ADGRF1: variants seen among roughly 807,000 people sequenced by gnomAD.
ADGRF1 encodes adhesion G protein-coupled receptor F1, also known as G protein-coupled receptor 110.
Under a neutral mutation model 87.2 loss-of-function variants are expected in ADGRF1, and 85 were observed. The observed-to-expected ratio is 0.97, with a 90% CI of 0.82 to 1.17. ADGRF1 has a LOEUF of 1.17. ADGRF1 is among the 50% of genes most tolerant of loss of function. The pLI is 0.00. For missense variants in ADGRF1, 1,169 were observed against 1,077.2 expected (o/e 1.09, Z -1.19); for synonymous variants, 430 against 408.8 (o/e 1.05, Z -0.63).
chr6:47,008,922 T>C (rs1475540367), intron 11 of ADGRF1, 23 bp downstream of exon 11: 1 of 1,550,070 alleles, frequency 6.5e-7, no homozygotes, highest in Admixed American at 1.9e-5. Flanking sequence ...GACAATACAA[T>C]AGGTTATTGT....
chr6:47,014,514 C>A, intron 9 of ADGRF1, 167 bp downstream of exon 9: 2 of 1,403,442 alleles, frequency 1.4e-6, no homozygotes, highest in South Asian at 3.2e-5. Context: ...CGCTACCACT[C>A]ATGCACGACT....
chr6:47,022,829 G>A (rs1260804303), intron 5 of ADGRF1, among the ~76,000 whole-genome samples: 4 of 130,570 alleles, frequency 3.1e-5, no homozygotes, highest in Non-Finnish European at 6.3e-5. Flanking sequence ...TTTTTAGTCA[G>A]GGTCTCACTT....
chr6:47,035,857 C>A (rs1780573435), intron 1 of ADGRF1, among the ~76,000 whole-genome samples: 1 of 152,150 alleles, frequency 6.6e-6, no homozygotes, highest in Admixed American at 6.5e-5. Context: ...GCACTGGGTA[C>A]ACATGAACGT....
rs867541880 is a variant in ADGRF1 at position 47,020,622 on chromosome 6, T to A, written c.611+109A>T. 20 of 1,563,588 alleles carry A rather than the reference T, an allele frequency of 1.3e-5. 1 individual carries two copies. In the South Asian group the frequency reaches 2.2e-4, roughly 18 times the overall value. On this transcript the variant is annotated intron_variant, in intron 7 of 14. Coordinates refer to ENST00000371253, the MANE Select transcript of ADGRF1 (RefSeq NM_153840.4). ...CTTAGTAAAAATCCTACTATAAAGATGACTTCTGTCCTGTTTTCTGTCAGG... is the reference window on the plus strand; with the variant it reads ...CTTAGTAAAAATCCTACTATAAAGAAGACTTCTGTCCTGTTTTCTGTCAGG...
At chr6:47,013,742 G>A in intron 9 of ADGRF1, 1 of 714,164 alleles carries the variant, frequency 1.4e-6, no homozygotes, top group Non-Finnish European at 1.7e-6. Context: ...GGCTTGGTGG[G>A]AGATGATTGG....
chr6:47,028,035 C>T (rs1298778614), intron 2 of ADGRF1, among the ~76,000 whole-genome samples: 2 of 152,122 alleles, frequency 1.3e-5, no homozygotes, highest in Non-Finnish European at 2.9e-5. Context: ...CAGAGGGTCT[C>T]TGGGGAGGCA....
At chr6:47,007,111 T>C (rs1779555265) in intron 12 of ADGRF1, 142 bp downstream of exon 12, 1 of 491,682 alleles carries the variant, frequency 2.0e-6, no homozygotes, top group South Asian at 4.7e-5. Flanking sequence ...TGACTGAGCC[T>C]GACTTCTCTA....
At chr6:47,039,505 A>G (rs1762288) in intron 1 of ADGRF1, among the ~76,000 whole-genome samples, 1 of 152,062 alleles carries the variant, frequency 6.6e-6, no homozygotes, top group African/African-American at 2.4e-5. Flanking sequence ...TGGGGAGGGG[A>G]TGTGATAAGA....
At chr6:47,016,880 G>T in intron 7 of ADGRF1, 112 bp from the exon 8 acceptor site, 1 of 1,347,894 alleles carries the variant, frequency 7.4e-7, no homozygotes. Context: ...AGTAAACAGA[G>T]CTTACATTCT....
chr6:47,013,159 C>T, intron 9 of ADGRF1: 1 of 985,402 alleles, frequency 1.0e-6, no homozygotes, highest in Non-Finnish European at 1.2e-6. Context: ...GGAAGGCAGT[C>T]CCCTTCCACT....
chr6:47,028,253 T>C (rs541879008), intron 2 of ADGRF1, among the ~76,000 whole-genome samples: 191 of 152,128 alleles, frequency 1.3e-3, no homozygotes, highest in African/African-American at 4.2e-3. Flanking sequence ...CAAGAGACAA[T>C]GAAGGTGTGG....
rs765512659 is a variant in ADGRF1 at position 47,010,217 on chromosome 6, C to G, written c.1218G>C (p.Glu406Asp). 1.9e-6 allele frequency: 3 copies of G among 1,613,926 alleles called. No homozygotes were observed. Among genetic ancestry groups the G allele is most frequent in the African/African-American group, 1.3e-5 (1 of 74,924 alleles). Residue 406 changes from glutamate (E) to aspartate (D), a missense_variant, in exon 11 of 15, where the codon GAG (glutamate) becomes GAC (aspartate). Transcript: ENST00000371253. The stretch of plus-strand genomic sequence containing the variant: ...CCAGAGTGCTGATGTTTTCTAATGT[C>G]TCTAGTAACCGTGAGCTGGCATACT... ...EEKYASSRLL[E>D]TLENISTLVP...
intron 12 of ADGRF1, among the ~76,000 whole-genome samples, chr6:47,006,354 C>T (rs1032520601): frequency 1.3e-5 from 2 of 151,970 alleles, no homozygotes; most frequent in Admixed American, 1.3e-4. Context: ...TAGCTTATGG[C>T]CTTCACCTCT....
Position 46,997,722 on chromosome 6 carries a change from AT to A in ADGRF1, c.*2499del, listed in dbSNP as rs1465194061. ...TTACAATGCTATTCACTTTTTCATT[AT>A]TTTATTGTTGTTTTAGTAGCATTTT... is the stretch of plus-strand genomic sequence containing the variant. On this transcript the variant is annotated 3_prime_UTR_variant, in exon 15 of 15. Coordinates refer to ENST00000371253, the MANE Select transcript of ADGRF1 (RefSeq NM_153840.4). The A allele has an allele frequency of 1.3e-5, 2 of 152,216 alleles. No individual in the cohort carries two copies. The highest frequency in any genetic ancestry group is 3.8e-4 in the East Asian group (2 of 5,202). 9.4% of individuals were successfully genotyped at this position (152,216 alleles called of 1,614,324 possible).
intron 7 of ADGRF1, chr6:47,018,258 A>G: frequency 1.7e-6 from 1 of 596,068 alleles, no homozygotes; most frequent in South Asian, 2.0e-5. Context: ...AGCACATGAG[A>G]TCAATACATT....
intron 14 of ADGRF1, 116 bp from the exon 15 acceptor site, chr6:47,000,411 T>G: frequency 1.4e-6 from 1 of 717,670 alleles, no homozygotes; most frequent in Non-Finnish European, 2.3e-6. Flanking sequence ...TTTAAAAGAT[T>G]CTAGGTAAAG....
At chr6:47,022,412 G>A (rs980597) in intron 5 of ADGRF1, among the ~76,000 whole-genome samples, 4 of 152,164 alleles carry the variant, frequency 2.6e-5, no homozygotes, top group African/African-American at 4.8e-5. Flanking sequence ...AACGATGACC[G>A]TAACAGCAAC....
rs143491292 is a variant in ADGRF1, at chr6:47,006,833, T to C, written c.2532+420A>G. Among the ~76,000 whole-genome samples, 59 of 152,302 alleles carry C rather than the reference T, an allele frequency of 3.9e-4. 1 individual carries two copies. The East Asian group carries it at 9.8e-3, about 25-fold the overall frequency. On this transcript the variant is annotated intron_variant, in intron 12 of 14. Coordinates refer to ENST00000371253, the MANE Select transcript of ADGRF1 (RefSeq NM_153840.4). ...TAGAATAATAGTCTGTGAGAGGCTA[T>C]TAACACTTACTGTTTAAAACTCTAC...
intron 1 of ADGRF1, among the ~76,000 whole-genome samples, chr6:47,031,273 TC>T (rs1780412846): frequency 7.2e-6 from 1 of 138,378 alleles, no homozygotes; most frequent in African/African-American, 2.8e-5. Flanking sequence ...CTCTCTCTTC[TC>T]TCTCTCTCTC....
Sources: gnomAD v4.1 joint callset for allele counts (sites outside exome capture counted in the v4.1 genomes callset) on GRCh38, gnomAD v4.1.1 for gene constraint, MANE v1.5 for transcripts, NCBI Gene and HGNC (gene_info 2026-07-23, HGNC 2026-07-21) for gene names.